OARD1: variants seen among roughly 807,000 people sequenced by gnomAD.
OARD1 encodes the protein ADP-ribose glycohydrolase OARD1.
OARD1 carries 19 observed loss-of-function variants against 19.7 expected under a neutral mutation model. The observed-to-expected ratio is 0.96, with a 90% CI of 0.67 to 1.41. The LOEUF (loss-of-function observed/expected upper bound fraction) is 1.41. Among genes scored for constraint, OARD1 ranks in the 40% most tolerant of loss-of-function variants. The probability of loss-of-function intolerance (pLI) is 0.00; values close to 1 mark genes in which losing one functional copy is unlikely to be tolerated. For missense variants in OARD1, 190 were observed against 183.8 expected, an observed-to-expected ratio of 1.03 and a Z score of -0.20; for synonymous variants, 70 against 61.8, an observed-to-expected ratio of 1.13 and a Z score of -0.62.
intron 1 of OARD1, chr6:41,090,224 C>G (rs1192225130): frequency 1.2e-6 from 2 of 1,613,262 alleles, no homozygotes; most frequent in African/African-American, 1.3e-5. Flanking sequence ...AGATTGCTGT[C>G]CAGGGACAGC....
In OARD1 at chr6:41,071,690, A is replaced by G. The variant is rs41273366; in HGVS notation, c.-41-15T>C. ...TGTTTCTTCAGCTATGAGAAGGGAA[A>G]AGGAAGTAAAAATGCTTAGGCAGCC... is the stretch of plus-strand genomic sequence containing the variant. On this transcript the variant is annotated splice_polypyrimidine_tract_variant and intron_variant, in intron 1 of 5. Coordinates refer to ENST00000424266, the MANE Select transcript of OARD1 (RefSeq NM_001329686.2). 7.1e-5 allele frequency: 105 copies of G among 1,479,558 alleles called. 2 individuals carry two copies. The highest frequency in any genetic ancestry group is 9.6e-5 in the Non-Finnish European group (101 of 1,057,300). The allele number at this position is 1,479,558 out of a possible 1,614,324, so 91.7% of individuals were successfully genotyped here. A position where few individuals can be genotyped will look rare whatever the true frequency, so the allele number is the denominator to read the frequency against.
intron 1 of OARD1, chr6:41,084,103 G>A (rs1582027157): frequency 6.2e-7 from 1 of 1,614,094 alleles, no homozygotes; most frequent in Non-Finnish European, 8.5e-7. Context: ...CACATCAACT[G>A]GCCAACCCAT....
intron 4 of OARD1, chr6:41,069,626 G>C (rs746538887): frequency 1.9e-4 from 40 of 211,262 alleles, no homozygotes; most frequent in Admixed American, 1.3e-3. Flanking sequence ...GTTAGGAGAG[G>C]AGCTAAGTAT....
chr6:41,088,932 A>T (rs549556359), intron 1 of OARD1, among the ~76,000 whole-genome samples: 3 of 152,226 alleles, frequency 2.0e-5, no homozygotes, highest in African/African-American at 7.2e-5. Flanking sequence ...GTACTTCATC[A>T]TTCACCAAAA....
chr6:41,091,795 G>A (rs1764202888), intron 1 of OARD1: 18 of 1,290,400 alleles, frequency 1.4e-5, no homozygotes, highest in South Asian at 4.2e-5. Context: ...GATTGAGATC[G>A]ATCCTTAAGG....
At chr6:41,073,530 C>T (rs1763609217), upstream of OARD1, among the ~76,000 whole-genome samples, 1 of 152,090 alleles carries the variant, frequency 6.6e-6, no homozygotes, top group Non-Finnish European at 1.5e-5. Context: ...CACTCTCCGG[C>T]CCTTGGGACA....
chr6:41,082,131 G>C (rs1469463638), intron 1 of OARD1, among the ~76,000 whole-genome samples: 1 of 152,192 alleles, frequency 6.6e-6, no homozygotes, highest in Admixed American at 6.5e-5. Flanking sequence ...GTGCTGCTAA[G>C]CATCCAGCAG....
intron 1 of OARD1, among the ~76,000 whole-genome samples, chr6:41,084,875 A>G (rs1764001343): frequency 6.6e-6 from 1 of 152,196 alleles, no homozygotes; most frequent in Non-Finnish European, 1.5e-5. Context: ...GGCATAAGAT[A>G]TCTTGAACCC....
chr6:41,095,344 A>G (rs757843631), intron 1 of OARD1, among the ~76,000 whole-genome samples: 1 of 151,982 alleles, frequency 6.6e-6, no homozygotes, highest in African/African-American at 2.4e-5. Context: ...TGTCCTTAGA[A>G]TTTTCAGTCT....
intron 1 of OARD1, among the ~76,000 whole-genome samples, chr6:41,088,450 TTTTATAG>T (rs1180961901): frequency 6.6e-6 from 1 of 150,898 alleles, no homozygotes; most frequent in East Asian, 1.9e-4. Context: ...AAAAAATTTA[TTTTATAG>T]TTTCTGTGAG....
At position 41,071,662 on chromosome 6, in the gene OARD1, A is replaced by T; in HGVS notation, c.-28T>A. On this transcript the variant is annotated 5_prime_UTR_variant, in exon 2 of 6. Transcript: ENST00000424266. ...TACTGAGTCGCTATTTCCAGAATTTAAGTGTTTCTTCAGCTATGAGAAGGG... is the reference window on the plus strand; with the variant it reads ...TACTGAGTCGCTATTTCCAGAATTTTAGTGTTTCTTCAGCTATGAGAAGGG... 6.2e-7 allele frequency: 1 copy of T among 1,603,848 alleles called. No individual in the cohort carries two copies. Among genetic ancestry groups the T allele is most frequent in the African/African-American group, 1.3e-5 (1 of 74,848 alleles).
upstream of OARD1, among the ~76,000 whole-genome samples, chr6:41,074,666 G>A (rs1266432631): frequency 6.6e-6 from 1 of 152,216 alleles, no homozygotes; most frequent in Non-Finnish European, 1.5e-5. Flanking sequence ...ATAGTTTAGG[G>A]GGGAAAGCCC....
At chr6:41,092,760 T>G in intron 1 of OARD1, 3 of 667,516 alleles carry the variant, frequency 4.5e-6, no homozygotes, top group Non-Finnish European at 7.4e-6. Flanking sequence ...ATCTTTAGTA[T>G]AAATTTCTCC....
upstream of OARD1, among the ~76,000 whole-genome samples, chr6:41,076,216 TGG>T (rs1763729763): frequency 6.6e-6 from 1 of 152,140 alleles, no homozygotes; most frequent in Non-Finnish European, 1.5e-5. Context: ...GAGACCAGCC[TGG>T]GTAGCATAGG....
intron 1 of OARD1, among the ~76,000 whole-genome samples, chr6:41,082,811 A>G (rs878927001): frequency 6.6e-6 from 1 of 152,226 alleles, no homozygotes; most frequent in Non-Finnish European, 1.5e-5. Context: ...AAGAGATAGC[A>G]TGAGAGAGTC....
At chr6:41,070,286 A>G (rs1266603863) in intron 3 of OARD1, 152 bp from the exon 4 acceptor site, 3 of 607,128 alleles carry the variant, frequency 4.9e-6, no homozygotes, top group South Asian at 2.0e-5. Context: ...TCTCCCACAA[A>G]CACTTTGCTT....
At position 41,066,906 on chromosome 6, in the gene OARD1, A is replaced by G. The variant is rs1216233319; in HGVS notation, c.*429T>C. The G allele has an allele frequency of 6.5e-6, 1 of 152,692 alleles. No homozygotes were observed. Among genetic ancestry groups the G allele is most frequent in the African/African-American group, 2.4e-5 (1 of 41,470 alleles). The allele number at this position is 152,692 out of a possible 1,614,324, so 9.5% of individuals were successfully genotyped here. On this transcript the variant is annotated 3_prime_UTR_variant, in exon 6 of 6. Coordinates refer to ENST00000424266, the MANE Select transcript of OARD1 (RefSeq NM_001329686.2). ...TCTCCCCTAGGAGGAATCTGATGAC[A>G]TAAGGATAACACCAAGTTATGTGCA...
rs139182443 is a variant in OARD1 at position 41,092,965 on chromosome 6, A to C, written c.-42+4748T>G. ...CTATCCAAAGAATCCCTCTACCTGG[A>C]GCAGAGATGCTTGAAGAAGAGCCTC... On this transcript the variant is annotated intron_variant, in intron 1 of 4. Coordinates refer to the OARD1 transcript ENST00000480585. 1.7e-3 allele frequency: 2,763 copies of C among 1,614,076 alleles called. 54 individuals are homozygous for C. In the East Asian group the frequency reaches 0.029, roughly 17 times the overall value.
upstream of OARD1, among the ~76,000 whole-genome samples, chr6:41,077,002 C>T (rs1763749870): frequency 6.6e-6 from 1 of 152,086 alleles, no homozygotes; most frequent in Admixed American, 6.6e-5. Context: ...TTAAATATTG[C>T]TAAATTGGTT....
Sources: allele counts gnomAD v4.1 joint callset (sites outside exome capture counted in the v4.1 genomes callset), GRCh38; gene constraint gnomAD v4.1.1; transcripts MANE v1.5; gene names NCBI Gene and HGNC (gene_info 2026-07-23, HGNC 2026-07-21).